Variants in CPA5 observed in about 807,000 individuals in gnomAD.
CPA5 encodes carboxypeptidase A5, also known as testicular tissue protein Li 32.
CPA5 carries 38 observed loss-of-function variants against 52.2 expected under a neutral mutation model. The ratio of observed to expected loss-of-function variants is 0.73; its 90% confidence interval spans 0.56 to 0.95. The LOEUF is 0.95. Ranked by LOEUF, CPA5 falls within the 40% of genes least tolerant of loss-of-function variation. CPA5 has a pLI of 0.00. For synonymous variants in CPA5, 198 were observed against 213.7 expected (o/e 0.93, Z 0.64); for missense variants, 519 against 566.7 (o/e 0.92, Z 0.86).
chr7:130,362,504 A>T lies in CPA5; in HGVS notation c.601A>T (p.Ile201Phe). Residue 201 changes from isoleucine (I) to phenylalanine (F), a missense_variant, in exon 8 of 13, where the codon ATC becomes TTC. Transcript: ENST00000474905. Reference protein sequence around the residue: ...IDTGIHSREWITHATGIWTAN... With the variant: ...IDTGIHSREWFTHATGIWTAN... The stretch of plus-strand genomic sequence containing the variant: ...CACTGGAATTCACTCCCGGGAGTGG[A>T]TCACCCATGCCACCGGCATCTGGAC... The T allele has an allele frequency of 1.2e-6, 2 of 1,613,662 alleles. No individual in the cohort carries two copies. The highest frequency in any genetic ancestry group is 1.7e-6 in the Non-Finnish European group (2 of 1,179,690).
intron 5 of CPA5, among the ~76,000 whole-genome samples, chr7:130,353,249 G>T (rs1795284400): frequency 6.6e-6 from 1 of 151,440 alleles, no homozygotes; most frequent in Non-Finnish European, 1.5e-5. Flanking sequence ...CCGCCAGCAG[G>T]CTGCCCACCC....
rs978117084 is a variant in CPA5, at chr7:130,362,423, G to A, written c.535-15G>A. 2.8e-5 allele frequency: 44 copies of A among 1,596,788 alleles called. No individual in the cohort carries two copies. The highest frequency in any genetic ancestry group is 2.5e-4 in the East Asian group (11 of 44,520). On this transcript the variant is annotated splice_polypyrimidine_tract_variant and intron_variant, in intron 7 of 12. Coordinates refer to ENST00000474905, the MANE Select transcript of CPA5 (RefSeq NM_080385.5). ...GAGTTCAAACCTCGGTTTGGGGCCC[G>A]ATTCTTTTTCTCAGTTCAGCACTGG...
Position 130,361,251 on chromosome 7 carries a change from G to A in CPA5, c.534+7G>A. 6.3e-7 allele frequency: 1 copy of A among 1,591,188 alleles called. No homozygotes were observed. The highest frequency in any genetic ancestry group is 8.6e-7 in the Non-Finnish European group (1 of 1,159,118). ...GTCCATTCTTGTCCTGAAGGTAAAAGCCCACAATGTCAACCTGTAGACTCT... is the reference window on the plus strand; with the variant it reads ...GTCCATTCTTGTCCTGAAGGTAAAAACCCACAATGTCAACCTGTAGACTCT... On this transcript the variant is annotated splice_region_variant and intron_variant, in intron 7 of 12. Coordinates refer to ENST00000474905, the MANE Select transcript of CPA5 (RefSeq NM_080385.5).
chr7:130,362,587 C>G (rs1554407088), intron 8 of CPA5, 48 bp downstream of exon 8: 1 of 1,368,222 alleles, frequency 7.3e-7, no homozygotes. Context: ...GGGGCTGCAA[C>G]TGGGGGCAGG....
At chr7:130,348,164 A>G (rs1794892216) in intron 4 of CPA5, among the ~76,000 whole-genome samples, 1 of 152,002 alleles carries the variant, frequency 6.6e-6, no homozygotes, top group Non-Finnish European at 1.5e-5. Context: ...GGGAGGGCAC[A>G]ATGTCTCTGG....
At chr7:130,360,166 C>A (rs1554406228) in intron 6 of CPA5, among the ~76,000 whole-genome samples, 1 of 152,248 alleles carries the variant, frequency 6.6e-6, no homozygotes, top group East Asian at 1.9e-4. Context: ...CTAAAATAAA[C>A]TTGTCCTTGA....
chr7:130,346,223 C>G (rs1390196331), intron 2 of CPA5, among the ~76,000 whole-genome samples, 170 bp from the exon 3 acceptor site: 1 of 149,004 alleles, frequency 6.7e-6, no homozygotes, highest in African/African-American at 2.5e-5. Flanking sequence ...CCCTGGCAAA[C>G]CTCCTGAGAG....
In CPA5 at chr7:130,367,154, G is replaced by T. The variant is rs190969192; in HGVS notation, c.839-218G>T. Among the ~76,000 whole-genome samples the T allele has an allele frequency of 7.9e-5, 12 of 152,052 alleles. No homozygotes were observed. In the East Asian group the frequency reaches 1.7e-3, roughly 22 times the overall value. On this transcript the variant is annotated intron_variant, in intron 10 of 12. Coordinates refer to ENST00000474905, the MANE Select transcript of CPA5 (RefSeq NM_080385.5). Reference sequence around the variant, plus strand: ...TTTTTTGCTTCCAGCCACACAGACAGAAAAGAGCATGGAGAAGTCACACTT... The same window carrying T: ...TTTTTTGCTTCCAGCCACACAGACATAAAAGAGCATGGAGAAGTCACACTT...
At chr7:130,363,956 G>A (rs1795938571) in intron 10 of CPA5, among the ~76,000 whole-genome samples, 1 of 152,168 alleles carries the variant, frequency 6.6e-6, no homozygotes, top group South Asian at 2.1e-4. Flanking sequence ...CGAGAGCTAG[G>A]ACCTGAAATC....
intron 12 of CPA5, among the ~76,000 whole-genome samples, 190 bp from the exon 13 acceptor site, chr7:130,368,220 G>T (rs1188572715): frequency 6.6e-6 from 1 of 152,216 alleles, no homozygotes; most frequent in African/African-American, 2.4e-5. Context: ...CTTTCTTTTT[G>T]CAGGAGTAGA....
chr7:130,372,015 G>C (rs1372144147), downstream of CPA5, among the ~76,000 whole-genome samples: 1 of 152,160 alleles, frequency 6.6e-6, no homozygotes. Context: ...CAGCGGCTTT[G>C]TGTGTGCTGC....
chr7:130,370,209 C>T (rs545876193), downstream of CPA5, among the ~76,000 whole-genome samples: 49 of 152,332 alleles, frequency 3.2e-4, no homozygotes, highest in African/African-American at 1.2e-3. Flanking sequence ...GCCAGCTGTG[C>T]CACATAGAAG....
intron 4 of CPA5, among the ~76,000 whole-genome samples, chr7:130,349,075 G>A (rs1261115711): frequency 5.3e-5 from 8 of 152,084 alleles, no homozygotes; most frequent in Middle Eastern, 3.2e-3. Flanking sequence ...AGTGATGCTG[G>A]CATTTGTTAT....
intron 8 of CPA5, 112 bp downstream of exon 8, chr7:130,362,651 T>C: frequency 1.3e-6 from 1 of 767,408 alleles, no homozygotes. Context: ...GGGTGCTGTC[T>C]CCATCCCGCC....
intron 5 of CPA5, among the ~76,000 whole-genome samples, chr7:130,355,634 G>A (rs1336852980): frequency 1.3e-5 from 2 of 152,120 alleles, no homozygotes; most frequent in Admixed American, 6.5e-5. Flanking sequence ...CTTGAACTCC[G>A]GAGGCCTCAA....
At chr7:130,363,395 G>A (rs1222730551) in intron 9 of CPA5, 24 bp from the exon 10 acceptor site, 10 of 1,551,220 alleles carry the variant, frequency 6.4e-6, no homozygotes, top group Non-Finnish European at 7.0e-6. Flanking sequence ...AGTGAATGAG[G>A]TCACCTGTCC....
intron 5 of CPA5, among the ~76,000 whole-genome samples, chr7:130,354,631 C>T (rs547025475): frequency 6.6e-6 from 1 of 152,094 alleles, no homozygotes; most frequent in Admixed American, 6.5e-5. Context: ...CCAGGCTGGT[C>T]CCAAACTCCT....
At chr7:130,372,184 A>C (rs1796301852), downstream of CPA5, among the ~76,000 whole-genome samples, 1 of 152,048 alleles carries the variant, frequency 6.6e-6, no homozygotes, top group Admixed American at 6.5e-5. Flanking sequence ...TAACTAATCG[A>C]CTTCTTAGTC....
intron 3 of CPA5, among the ~76,000 whole-genome samples, chr7:130,347,071 A>G (rs1794800580): frequency 6.6e-6 from 1 of 152,188 alleles, no homozygotes; most frequent in South Asian, 2.1e-4. Context: ...TCCAAGGTCC[A>G]CAGGTGGATG....
Sources: allele counts gnomAD v4.1 joint callset (sites outside exome capture counted in the v4.1 genomes callset), GRCh38; gene constraint gnomAD v4.1.1; transcripts MANE v1.5; gene names NCBI Gene and HGNC (gene_info 2026-07-23, HGNC 2026-07-21).